The following PIP4K2A variants were observed in gnomAD, a reference collection of about 807,000 sequenced individuals.
The protein encoded by PIP4K2A is phosphatidylinositol 5-phosphate 4-kinase type-2 alpha.
In PIP4K2A, 14 loss-of-function variants were observed where a neutral mutation model predicts 42.9. The ratio of observed to expected loss-of-function variants is 0.33; its 90% confidence interval spans 0.22 to 0.51. The LOEUF (loss-of-function observed/expected upper bound fraction) is 0.51, where lower values mean the gene tolerates loss of function less well. PIP4K2A is among the 20% of genes least tolerant of loss of function. The probability of loss-of-function intolerance (pLI) is 0.97; values close to 1 mark genes in which losing one functional copy is unlikely to be tolerated. For synonymous variants in PIP4K2A, 192 were observed against 192.2 expected, an observed-to-expected ratio of 1.00 and a Z score of 0.01; for missense variants, 434 against 519.8, an observed-to-expected ratio of 0.83 and a Z score of 1.61.
intron 1 of PIP4K2A, among the ~76,000 whole-genome samples, chr10:22,679,555 T>A (rs903846294): frequency 6.6e-6 from 1 of 152,126 alleles, no homozygotes; most frequent in Non-Finnish European, 1.5e-5. Context: ...CACTACTAGG[T>A]ATGTACCCAG....
At position 22,609,669 on chromosome 10, in the gene PIP4K2A, C is replaced by A; in HGVS notation, c.193G>T (p.Asp65Tyr). ...VQIPVMLMPDDFKAYSKIKVD... is the reference protein window; with the variant it reads ...VQIPVMLMPDYFKAYSKIKVD... ...TTTATTTTTGAATAGGCTTTGAAGT[C>A]ATCTGGCATCAACATAACAGGGATT... Residue 65 changes from aspartate to tyrosine, a missense_variant, in exon 2 of 10, where the codon GAC (aspartate) becomes TAC (tyrosine). By Grantham distance (160) the Asp-to-Tyr change is radical (BLOSUM62 -3). Transcript: ENST00000376573. 1.2e-6 allele frequency: 2 copies of A among 1,610,432 alleles called. No individual in the cohort carries two copies. Among genetic ancestry groups the A allele is most frequent in the Non-Finnish European group, 1.7e-6 (2 of 1,177,320 alleles).
chr10:22,637,740 AC>A (rs1424535386), intron 1 of PIP4K2A, among the ~76,000 whole-genome samples: 1 of 152,214 alleles, frequency 6.6e-6, no homozygotes, highest in African/African-American at 2.4e-5. Context: ...CAACTCAGAC[AC>A]AAGCCACCAA....
intron 1 of PIP4K2A, among the ~76,000 whole-genome samples, chr10:22,692,695 G>A (rs770255437): frequency 3.9e-5 from 6 of 152,054 alleles, no homozygotes; most frequent in Non-Finnish European, 7.4e-5. Flanking sequence ...CCCCACTTAC[G>A]GCCTTCCCTT....
intron 4 of PIP4K2A, among the ~76,000 whole-genome samples, chr10:22,584,753 T>A (rs1036990226): frequency 1.3e-5 from 2 of 152,304 alleles, no homozygotes; most frequent in African/African-American, 4.8e-5. Context: ...TGTCCGCAGT[T>A]TACAATGGCA....
chr10:22,697,999 A>C (rs1219329450), intron 1 of PIP4K2A, among the ~76,000 whole-genome samples: 2 of 152,214 alleles, frequency 1.3e-5, no homozygotes, highest in Non-Finnish European at 2.9e-5. Flanking sequence ...GCCAGCAAAA[A>C]TTAACCAACC....
At chr10:22,681,325 C>A (rs1214033423) in intron 1 of PIP4K2A, among the ~76,000 whole-genome samples, 1 of 152,196 alleles carries the variant, frequency 6.6e-6, no homozygotes, top group African/African-American at 2.4e-5. Flanking sequence ...TTGGAGGGGA[C>A]CTCTGTCTCC....
At chr10:22,614,820 A>G (rs1838139443) in intron 1 of PIP4K2A, among the ~76,000 whole-genome samples, 1 of 152,200 alleles carries the variant, frequency 6.6e-6, no homozygotes, top group Non-Finnish European at 1.5e-5. Flanking sequence ...CTCTTACCCA[A>G]ACTAAAATAT....
intron 3 of PIP4K2A, among the ~76,000 whole-genome samples, chr10:22,594,709 G>A (rs1189965156): frequency 6.6e-6 from 1 of 152,166 alleles, no homozygotes; most frequent in East Asian, 1.9e-4. Context: ...GCAACATATG[G>A]GTTTATAAAG....
intron 1 of PIP4K2A, among the ~76,000 whole-genome samples, chr10:22,644,373 G>T (rs1295299681): frequency 6.6e-6 from 1 of 152,174 alleles, no homozygotes; most frequent in Non-Finnish European, 1.5e-5. Context: ...AAAGCCTCCT[G>T]GGAGGTCTTG....
Position 22,649,706 on chromosome 10 carries a change from C to T in PIP4K2A, c.145-39989G>A, listed in dbSNP as rs953893444. Among the ~76,000 whole-genome samples, 14 of 152,246 alleles carry T rather than the reference C, an allele frequency of 9.2e-5. No homozygotes were observed. The South Asian group carries it at 2.7e-3, about 29-fold the overall frequency. ...GCTCCCTCAGCGGCAAGACCAGGAACGGGGTGGACAGCTACATAATGGGAC... is the reference window on the plus strand; with the variant it reads ...GCTCCCTCAGCGGCAAGACCAGGAATGGGGTGGACAGCTACATAATGGGAC... On this transcript the variant is annotated intron_variant, in intron 1 of 9. Transcript: ENST00000376573.
rs531477426 is a variant in PIP4K2A, at chr10:22,581,565, TAAAAAAAAAAAA to T, written c.493-8120_493-8109del. Among the ~76,000 whole-genome samples, 3 of 78,668 alleles carry T rather than the reference TAAAAAAAAAAAA, an allele frequency of 3.8e-5. No individual in the cohort carries two copies. In the East Asian group the frequency reaches 1.3e-3, roughly 33 times the overall value. The allele number at this position is 78,668 out of a possible 152,430, so 51.6% of individuals were successfully genotyped here. On this transcript the variant is annotated intron_variant, in intron 4 of 9. Coordinates refer to ENST00000376573, the MANE Select transcript of PIP4K2A (RefSeq NM_005028.5). ...GGGCAACACAGGGAGATCCTATCTC[TAAAAAAAAAAAA>T]AAAAAAAAAAAAAAAATTAAAATAT...
At chr10:22,667,511 A>G (rs558100780) in intron 1 of PIP4K2A, among the ~76,000 whole-genome samples, 4 of 152,334 alleles carry the variant, frequency 2.6e-5, no homozygotes, top group African/African-American at 9.6e-5. Flanking sequence ...CTCATTCTTC[A>G]ACAAACTGAA....
At chr10:22,599,317 C>G (rs190092585) in intron 3 of PIP4K2A, among the ~76,000 whole-genome samples, 4 of 152,340 alleles carry the variant, frequency 2.6e-5, no homozygotes, top group Admixed American at 2.6e-4. Flanking sequence ...CACTCCCATT[C>G]CTTCCCCTAT....
intron 1 of PIP4K2A, among the ~76,000 whole-genome samples, chr10:22,650,496 A>G (rs1413701213): frequency 6.7e-6 from 1 of 150,180 alleles, no homozygotes; most frequent in African/African-American, 2.4e-5. Context: ...GGAAGAAGGA[A>G]TATCTGCCCT....
At position 22,609,658 on chromosome 10, in the gene PIP4K2A, G is replaced by T; in HGVS notation, c.204C>A (p.Ala68=). The change falls in exon 2 of 10, where the codon GCC becomes GCA. Residue 68 remains alanine (A), a synonymous_variant. Transcript: ENST00000376573. The part of the protein sequence containing the change: ...PVMLMPDDFK[A]YSKIKVDNHL... ...GATTGTCCACCTTTATTTTTGAATA[G>T]GCTTTGAAGTCATCTGGCATCAACA... The T allele has an allele frequency of 6.2e-7, 1 of 1,608,742 alleles. No individual in the cohort carries two copies. The highest frequency in any genetic ancestry group is 8.5e-7 in the Non-Finnish European group (1 of 1,175,668).
intron 1 of PIP4K2A, among the ~76,000 whole-genome samples, chr10:22,668,877 A>G (rs1306060613): frequency 6.6e-6 from 1 of 152,224 alleles, no homozygotes; most frequent in Non-Finnish European, 1.5e-5. Flanking sequence ...AAAAAATACC[A>G]AATAAGATAA....
In PIP4K2A at chr10:22,561,572, T is replaced by TTTTTTTTTTTTTTTTTTTTTTTTTTTTG. The variant is rs1462465448; in HGVS notation, c.678+6278_678+6279insCAAAAAAAAAAAAAAAAAAAAAAAAAAA. On this transcript the variant is annotated intron_variant, in intron 6 of 9. Transcript: ENST00000376573. ...CCAGAGATTCTCTACGCAGTTTTTT[T>TTTTTTTTTTTTTTTTTTTTTTTTTTTTG]TTTTTTTTTTTTTTTTTTTCTGAGA... Among the ~76,000 whole-genome samples the TTTTTTTTTTTTTTTTTTTTTTTTTTTTG allele has an allele frequency of 1.4e-5, 2 of 141,564 alleles. 1 individual carries two copies. The allele number at this position is 141,564 out of a possible 152,430, so 92.9% of individuals were successfully genotyped here. A position where few individuals can be genotyped will look rare whatever the true frequency, so the allele number is the denominator to read the frequency against.
At position 22,682,721 on chromosome 10, in the gene PIP4K2A, C is replaced by T. The variant is rs138274535; in HGVS notation, c.144+31462G>A. ...TTAAACCTGCCTCACTTGTGAATTC[C>T]TCCAGACTGAGCCAGTCTGAACTTG... is the stretch of plus-strand genomic sequence containing the variant. On this transcript the variant is annotated intron_variant, in intron 1 of 9. Transcript: ENST00000376573. 7.9e-5 allele frequency among the ~76,000 whole-genome samples: 12 copies of T among 152,318 alleles called. No individual in the cohort carries two copies. The East Asian group carries it at 2.1e-3, about 27-fold the overall frequency.
chr10:22,665,043 TTTTGA>T (rs2130845459), intron 1 of PIP4K2A, among the ~76,000 whole-genome samples: 1 of 152,306 alleles, frequency 6.6e-6, no homozygotes, highest in South Asian at 2.1e-4. Flanking sequence ...AACCACAATA[TTTTGA>T]TTTTTGTATA....
Sources: allele counts gnomAD v4.1 joint callset (sites outside exome capture counted in the v4.1 genomes callset), GRCh38; gene constraint gnomAD v4.1.1; transcripts MANE v1.5; gene names NCBI Gene and HGNC (gene_info 2026-07-23, HGNC 2026-07-21).